FBXL13: variants seen among roughly 807,000 people sequenced by gnomAD.
The protein encoded by FBXL13 is F-box and leucine-rich repeat protein 13.
In FBXL13, 67 loss-of-function variants were observed where a neutral mutation model predicts 83.6. That is an observed-to-expected ratio of 0.80 (90% CI 0.66 to 0.98). The LOEUF (loss-of-function observed/expected upper bound fraction) is 0.98. FBXL13 is among the 50% of genes least tolerant of loss of function. FBXL13 has a pLI of 0.00. For synonymous variants in FBXL13, 272 were observed against 299.5 expected (o/e 0.91, Z 0.95); for missense variants, 822 against 866.5 (o/e 0.95, Z 0.64).
chr7:103,004,527 T>C (rs1790770726), intron 6 of FBXL13, among the ~76,000 whole-genome samples: 1 of 152,214 alleles, frequency 6.6e-6, no homozygotes, highest in Non-Finnish European at 1.5e-5. Context: ...TCTTTGTCTC[T>C]AACTGCTCTC....
intron 8 of FBXL13, chr7:102,933,840 G>A (rs1361507322): frequency 6.9e-7 from 1 of 1,444,796 alleles, no homozygotes; most frequent in East Asian, 2.5e-5. Flanking sequence ...AGATTACCCA[G>A]ACTTGGATTT....
At chr7:102,956,938 T>G (rs1225080542) in intron 8 of FBXL13, among the ~76,000 whole-genome samples, 1 of 152,020 alleles carries the variant, frequency 6.6e-6, no homozygotes, top group Non-Finnish European at 1.5e-5. Context: ...ACAATCAATA[T>G]CATGAAAATG....
intron 17 of FBXL13, among the ~76,000 whole-genome samples, chr7:102,849,173 G>A (rs1359262987): frequency 6.6e-6 from 1 of 152,134 alleles, no homozygotes; most frequent in East Asian, 1.9e-4. Context: ...TCAAGAAAAC[G>A]ATTTCTTAAG....
chr7:103,043,267 T>C (rs188569863), intron 2 of FBXL13, among the ~76,000 whole-genome samples: 4 of 152,078 alleles, frequency 2.6e-5, no homozygotes, highest in Non-Finnish European at 4.4e-5. Flanking sequence ...AAAACCACAA[T>C]GAGATACCAT....
At chr7:102,919,620 T>A (rs966642496) in intron 10 of FBXL13, among the ~76,000 whole-genome samples, 4 of 152,176 alleles carry the variant, frequency 2.6e-5, no homozygotes, top group Non-Finnish European at 5.9e-5. Context: ...CAAAAAATCA[T>A]GCTAGCTTCA....
intron 15 of FBXL13, 137 bp from the exon 17 acceptor site, chr7:102,877,730 T>A: frequency 1.2e-6 from 1 of 805,300 alleles, no homozygotes; most frequent in Non-Finnish European, 1.9e-6. Context: ...AAAGTAAGAC[T>A]AAAAGTAGAA....
intron 1 of FBXL13, among the ~76,000 whole-genome samples, chr7:103,062,042 AAAC>A (rs1295711955): frequency 4.7e-5 from 7 of 148,376 alleles, no homozygotes; most frequent in Middle Eastern, 3.4e-3. Flanking sequence ...AAAAAAAAAA[AAAC>A]AAACCTTTGC....
chr7:102,952,412 C>T lies in FBXL13; in HGVS notation c.724+11121G>A, dbSNP rs967549753. ...CCAAATGGTTGTTTGAAACAATCAACAAAATTTGCAAACCTTTACCTAGAC... is the reference window on the plus strand; with the variant it reads ...CCAAATGGTTGTTTGAAACAATCAATAAAATTTGCAAACCTTTACCTAGAC... On this transcript the variant is annotated intron_variant, in intron 8 of 19. Transcript: ENST00000313221. Among the ~76,000 whole-genome samples, 3 of 151,988 alleles carry T rather than the reference C, an allele frequency of 2.0e-5. No homozygotes were observed. The South Asian group carries it at 6.2e-4, about 32-fold the overall frequency.
rs137986819 is a variant in FBXL13, at chr7:102,851,669, C to A, written c.1719+3108G>T. 9.2e-3 allele frequency among the ~76,000 whole-genome samples: 1,391 copies of A among 151,774 alleles called. 21 individuals carry two copies. The highest frequency in any genetic ancestry group is 0.032 in the African/African-American group (1,315 of 41,368). On this transcript the variant is annotated intron_variant, in intron 17 of 19. Coordinates refer to ENST00000313221, the Ensembl canonical transcript of FBXL13. ...ACTCTCAAGGCACATTTATCTAGAG[C>A]TTCCAATGTGTTTCAGTGCTTGTAT...
Position 102,912,991 on chromosome 7 carries a change from G to A in FBXL13, c.1008+95C>T, listed in dbSNP as rs148589485. The A allele has an allele frequency of 1.8e-4, 271 of 1,515,614 alleles. 2 individuals are homozygous for A. The African/African-American group carries it at 3.1e-3, about 18-fold the overall frequency. 93.9% of individuals were successfully genotyped at this position (1,515,614 alleles called of 1,614,324 possible). On this transcript the variant is annotated intron_variant, in intron 11 of 19. Coordinates refer to ENST00000313221, the Ensembl canonical transcript of FBXL13. ...ACCTCTGAAAAGTGTGCTGCGGTCC[G>A]TGCACAGCATTAGTATAACGTGAGG...
At chr7:102,852,933 T>C (rs56894117) in intron 17 of FBXL13, among the ~76,000 whole-genome samples, 29,811 of 152,130 alleles carry the variant, frequency 0.2, 3,201 homozygotes, top group East Asian at 0.42. Flanking sequence ...ATCGGGGAAC[T>C]AACCCAAATG....
intron 1 of FBXL13, among the ~76,000 whole-genome samples, chr7:103,068,838 C>T (rs1798643003): frequency 1.3e-5 from 2 of 152,226 alleles, no homozygotes; most frequent in Admixed American, 1.3e-4. Context: ...TCAACTCCTA[C>T]AAGGCAGAGT....
chr7:103,074,675 G>A, upstream of FBXL13: 1 of 1,286,192 alleles, frequency 7.8e-7, no homozygotes, highest in Non-Finnish European at 1.0e-6. Flanking sequence ...GTCTGTGTCC[G>A]CTGCCACGCG....
At chr7:102,891,989 T>C (rs906076229) in intron 11 of FBXL13, among the ~76,000 whole-genome samples, 2 of 152,244 alleles carry the variant, frequency 1.3e-5, no homozygotes, top group Admixed American at 1.3e-4. Flanking sequence ...TTGAACTAGA[T>C]GGTGGCTTTA....
intron 1 of FBXL13, among the ~76,000 whole-genome samples, chr7:103,068,379 A>C (rs1427792259): frequency 6.6e-6 from 1 of 152,180 alleles, no homozygotes; most frequent in Non-Finnish European, 1.5e-5. Flanking sequence ...AAGACACCTA[A>C]CCTATCTCTA....
intron 10 of FBXL13, among the ~76,000 whole-genome samples, chr7:102,925,267 CT>C (rs1817895254): frequency 6.6e-6 from 1 of 152,022 alleles, no homozygotes; most frequent in African/African-American, 2.4e-5. Context: ...TGGTGGCATG[CT>C]CCTGTAGTCC....
At chr7:103,070,911 T>A (rs1034453133) in intron 1 of FBXL13, among the ~76,000 whole-genome samples, 4 of 152,206 alleles carry the variant, frequency 2.6e-5, no homozygotes, top group African/African-American at 9.7e-5. Flanking sequence ...ACACTGGGGA[T>A]CAAATTTTAA....
At chr7:102,836,679 G>A (rs1208500779) in intron 17 of FBXL13, among the ~76,000 whole-genome samples, 6 of 152,176 alleles carry the variant, frequency 3.9e-5, no homozygotes, top group Admixed American at 6.5e-5. Flanking sequence ...ATCTCTTAGC[G>A]AGTTAGATCA....
At chr7:102,861,142 T>G (rs17136125) in intron 16 of FBXL13, among the ~76,000 whole-genome samples, 3,358 of 152,130 alleles carry the variant, frequency 0.022, 136 homozygotes, top group East Asian at 0.16. Flanking sequence ...TGTAGTATTA[T>G]GCATATATAG....
Sources: gnomAD v4.1 joint callset for allele counts (sites outside exome capture counted in the v4.1 genomes callset) on GRCh38, gnomAD v4.1.1 for gene constraint, MANE v1.5 for transcripts, NCBI Gene and HGNC (gene_info 2026-07-23, HGNC 2026-07-21) for gene names.